PLCE1: variants seen among roughly 807,000 people sequenced by gnomAD.
PLCE1 encodes the protein phospholipase C epsilon 1, also known as 1-phosphatidylinositol 4,5-bisphosphate phosphodiesterase epsilon-1.
A neutral mutation model predicts 242.8 loss-of-function variants in PLCE1; 119 were observed. That is an observed-to-expected ratio of 0.49 (90% CI 0.42 to 0.57). The LOEUF (loss-of-function observed/expected upper bound fraction) is 0.57. Among genes scored for constraint, PLCE1 ranks in the 20% least tolerant of loss-of-function variants. The pLI is 0.00. For missense variants in PLCE1, 2,441 were observed against 2,788.8 expected (o/e 0.88, Z 2.81); for synonymous variants, 945 against 1,017.4 (o/e 0.93, Z 1.35).
intron 7 of PLCE1, among the ~76,000 whole-genome samples, chr10:94,244,912 C>T (rs2050626644): frequency 1.3e-5 from 2 of 152,142 alleles, no homozygotes; most frequent in Admixed American, 1.3e-4. Flanking sequence ...TGTTGCCCAG[C>T]CTGGTCTCAA....
At chr10:94,044,030 C>T (rs1427447111) in intron 2 of PLCE1, among the ~76,000 whole-genome samples, 1 of 152,116 alleles carries the variant, frequency 6.6e-6, no homozygotes, top group African/African-American at 2.4e-5. Context: ...TAATTGGTTG[C>T]TAGAAAAGTC....
chr10:94,319,284 T>C (rs1294283942), intron 29 of PLCE1, among the ~76,000 whole-genome samples: 1 of 152,234 alleles, frequency 6.6e-6, no homozygotes, highest in Non-Finnish European at 1.5e-5. Flanking sequence ...TATCTAGGTT[T>C]ACCTGGTGCA....
intron 3 of PLCE1, among the ~76,000 whole-genome samples, chr10:94,156,213 A>C (rs1022216202): frequency 1.2e-4 from 19 of 152,158 alleles, no homozygotes; most frequent in Non-Finnish European, 1.2e-4. Context: ...CTCTCCTGAC[A>C]CCAACTGGGC....
intron 19 of PLCE1, among the ~76,000 whole-genome samples, chr10:94,278,730 T>G (rs748015656): frequency 4.0e-4 from 61 of 152,244 alleles, no homozygotes; most frequent in Admixed American, 7.2e-4. Flanking sequence ...TAGGACTTCG[T>G]GACTGTCATT....
chr10:94,318,282 A>G (rs779737165), intron 29 of PLCE1, among the ~76,000 whole-genome samples: 1 of 152,224 alleles, frequency 6.6e-6, no homozygotes, highest in Non-Finnish European at 1.5e-5. Context: ...GCTTAGCTGT[A>G]CTTTTGAAGC....
intron 4 of PLCE1, among the ~76,000 whole-genome samples, chr10:94,223,136 A>T (rs2049813706): frequency 6.6e-6 from 1 of 151,164 alleles, no homozygotes; most frequent in Non-Finnish European, 1.5e-5. Flanking sequence ...GTGGTGGATC[A>T]ACTGTAATGC....
At chr10:94,188,008 G>A (rs1341024547) in intron 4 of PLCE1, among the ~76,000 whole-genome samples, 2 of 151,424 alleles carry the variant, frequency 1.3e-5, no homozygotes, top group African/African-American at 4.9e-5. Flanking sequence ...GAACCCACTT[G>A]CCCCCTTCCC....
In PLCE1 at chr10:94,324,970, C is replaced by T. The variant is rs201288761; in HGVS notation, c.6799C>T (p.Arg2267Ter). Residue 2267 changes from arginine to a stop codon, truncating the protein, a stop_gained, in exon 32 of 33, where the codon CGA becomes TGA. Coordinates refer to ENST00000371380, the MANE Select transcript of PLCE1 (RefSeq NM_016341.4). LOFTEE classifies it high-confidence loss of function. The stretch of plus-strand genomic sequence containing the variant: ...GCTCACCAAGTCAACTAAACAGCCC[C>T]GAGGACTTACATCACCTTCTCAGCT... ...KKLTKSTKQP[R>*]GLTSPSQLLT... 6.2e-7 allele frequency: 1 copy of T among 1,614,096 alleles called. No homozygotes were observed. Among genetic ancestry groups the T allele is most frequent in the Admixed American group, 1.7e-5 (1 of 60,006 alleles).
intron 4 of PLCE1, among the ~76,000 whole-genome samples, chr10:94,217,441 T>G (rs762961863): frequency 1.3e-5 from 2 of 152,170 alleles, no homozygotes; most frequent in Non-Finnish European, 2.9e-5. Context: ...CATATTAAAG[T>G]GGGATGAAAT....
chr10:93,999,785 T>G (rs889452364), intron 1 of PLCE1, among the ~76,000 whole-genome samples: 1 of 152,212 alleles, frequency 6.6e-6, no homozygotes. Flanking sequence ...TTTGCCTCAT[T>G]CCTGACTCTT....
chr10:94,061,602 T>C lies in PLCE1; in HGVS notation c.1206+29350T>C, dbSNP rs182826604. 1.3e-3 allele frequency among the ~76,000 whole-genome samples: 196 copies of C among 152,136 alleles called. 1 individual carries two copies. The highest frequency in any genetic ancestry group is 4.0e-3 in the African/African-American group (164 of 41,484). ...TGGCTCATGCCTATAGTCCCAGCAC[T>C]TTAGGAGGCTGAGGCAAGAGGATGA... On this transcript the variant is annotated intron_variant, in intron 2 of 32. Coordinates refer to ENST00000371380, the MANE Select transcript of PLCE1 (RefSeq NM_016341.4).
At chr10:94,225,435 G>A (rs1257188910) in intron 4 of PLCE1, 2 of 152,248 alleles carry the variant, frequency 1.3e-5, no homozygotes, top group Non-Finnish European at 2.9e-5. Flanking sequence ...CACTTTGGGA[G>A]GCCGAGGTGG....
chr10:94,162,247 G>C (rs2047642024), intron 3 of PLCE1, among the ~76,000 whole-genome samples: 1 of 152,174 alleles, frequency 6.6e-6, no homozygotes, highest in South Asian at 2.1e-4. Context: ...GCTCCTCCTT[G>C]TACCTCTGGT....
intron 8 of PLCE1, among the ~76,000 whole-genome samples, chr10:94,250,635 T>G (rs9787457): frequency 0.27 from 41,732 of 152,162 alleles, 5,780 homozygotes; most frequent in Middle Eastern, 0.35. Flanking sequence ...AACAAAGGTA[T>G]CCTTCCTTTT....
At position 94,179,870 on chromosome 10, in the gene PLCE1, G is replaced by A. The variant is rs189055189; in HGVS notation, c.1809+8374G>A. 2.3e-4 allele frequency among the ~76,000 whole-genome samples: 35 copies of A among 150,616 alleles called. 1 individual carries two copies. The highest frequency in any genetic ancestry group is 1.7e-3 in the Admixed American group (25 of 15,118). On this transcript the variant is annotated intron_variant, in intron 4 of 32. Transcript: ENST00000371380. ...CCCAAATGCTTTATATGAGTATTCA[G>A]AGAAATGACATGTTTAAAGCACTTA...
In PLCE1 at chr10:94,262,761, T is replaced by C. The variant is rs777717905; in HGVS notation, c.4053+29T>C. 50 of 1,338,456 alleles carry C rather than the reference T, an allele frequency of 3.7e-5. No homozygotes were observed. In the African/African-American group the frequency reaches 4.0e-4, roughly 11 times the overall value. 82.9% of individuals were successfully genotyped at this position (1,338,456 alleles called of 1,614,324 possible). ...TGTGCCTGTTTTGTGTGTGCATGTG[T>C]GTGTGATGCCTCTGGCTATTCTAAT... On this transcript the variant is annotated intron_variant, in intron 14 of 32. Coordinates refer to ENST00000371380, the MANE Select transcript of PLCE1 (RefSeq NM_016341.4).
chr10:94,176,772 G>T (rs1216332958), intron 4 of PLCE1, among the ~76,000 whole-genome samples: 1 of 152,186 alleles, frequency 6.6e-6, no homozygotes, highest in African/African-American at 2.4e-5. Context: ...ATAGCAGTCT[G>T]CCAGAAGCTA....
At chr10:94,021,443 T>C (rs2061375832) in intron 1 of PLCE1, among the ~76,000 whole-genome samples, 1 of 152,106 alleles carries the variant, frequency 6.6e-6, no homozygotes, top group South Asian at 2.1e-4. Flanking sequence ...TTGTGCATGG[T>C]ATGACATGGG....
intron 2 of PLCE1, among the ~76,000 whole-genome samples, chr10:94,083,013 T>C (rs572911960): frequency 6.6e-6 from 1 of 152,348 alleles, no homozygotes; most frequent in South Asian, 2.1e-4. Flanking sequence ...TTAAGAGGAA[T>C]ATTTAAGGTG....
Sources: gnomAD v4.1 joint callset for allele counts (sites outside exome capture counted in the v4.1 genomes callset) on GRCh38, gnomAD v4.1.1 for gene constraint, MANE v1.5 for transcripts, NCBI Gene and HGNC (gene_info 2026-07-23, HGNC 2026-07-21) for gene names.